DCAF6: variants seen among roughly 807,000 people sequenced by gnomAD.
The protein encoded by DCAF6 is DDB1- and CUL4-associated factor 6.
A neutral mutation model predicts 125.1 loss-of-function variants in DCAF6; 54 were observed. The ratio of observed to expected loss-of-function variants is 0.43; its 90% CI spans 0.35 to 0.54. DCAF6 has a LOEUF of 0.54. Ranked by LOEUF, DCAF6 falls within the 20% of genes least tolerant of loss-of-function variation. DCAF6 has a pLI of 0.01. For synonymous variants in DCAF6, 371 were observed against 390.4 expected (o/e 0.95, Z 0.58); for missense variants, 934 against 1,161.7 (o/e 0.80, Z 2.85).
rs1292399907 is a variant in DCAF6 at position 167,954,863 on chromosome 1, C to A, written c.159+3002C>A. ...ACATACACAAAGTCATCACCACATT[C>A]ATGATGATAAAATATCAATCATCCC... On this transcript the variant is annotated intron_variant, in intron 2 of 21. Transcript: ENST00000367840. Among the ~76,000 whole-genome samples, 15 of 152,192 alleles carry A rather than the reference C, an allele frequency of 9.9e-5. No individual in the cohort carries two copies. In the East Asian group the frequency reaches 2.7e-3, roughly 27 times the overall value.
intron 3 of DCAF6, among the ~76,000 whole-genome samples, chr1:167,973,580 A>C (rs188039654): frequency 6.6e-6 from 1 of 152,204 alleles, no homozygotes; most frequent in East Asian, 1.9e-4. Flanking sequence ...TGTCCCTAGC[A>C]CCTTAAACAT....
intron 11 of DCAF6, 57 bp from the exon 12 acceptor site, chr1:168,022,931 A>T: frequency 1.4e-6 from 2 of 1,467,310 alleles, no homozygotes. Context: ...TGATCATGAC[A>T]TTGCTGTGCA....
chr1:167,898,827 C>T, the DCAF6 span, among the ~76,000 whole-genome samples: 4 of 152,154 alleles, frequency 2.6e-5, no homozygotes, highest in African/African-American at 7.2e-5. Context: ...TCCTTTGGCT[C>T]ATCTAGCAGC....
At chr1:168,017,745 A>G (rs973979086) in intron 11 of DCAF6, among the ~76,000 whole-genome samples, 2 of 152,152 alleles carry the variant, frequency 1.3e-5, no homozygotes, top group African/African-American at 4.8e-5. Flanking sequence ...TTCTTTTATG[A>G]TAGATGTTAC....
intron 1 of DCAF6, among the ~76,000 whole-genome samples, chr1:167,938,175 A>G (rs1671630089): frequency 6.6e-6 from 1 of 152,188 alleles, no homozygotes; most frequent in African/African-American, 2.4e-5. Flanking sequence ...ACCCTTAGAA[A>G]TAATATTTTC....
chr1:167,893,292 T>C, the DCAF6 span, among the ~76,000 whole-genome samples: 1 of 152,212 alleles, frequency 6.6e-6, no homozygotes, highest in Non-Finnish European at 1.5e-5. Context: ...ACAGCTCCCA[T>C]TTGCGCAATT....
the DCAF6 span, among the ~76,000 whole-genome samples, chr1:167,872,648 A>G: frequency 2.0e-5 from 3 of 151,628 alleles, no homozygotes; most frequent in Non-Finnish European, 2.9e-5. Context: ...TTGTAAAAGA[A>G]GGGCATTTCC....
At chr1:167,936,529 A>T (rs1407753417), upstream of DCAF6, 4 of 243,868 alleles carry the variant, frequency 1.6e-5, no homozygotes, top group South Asian at 1.4e-4. Flanking sequence ...GCCGCAGCAC[A>T]CACCAGCCTC....
the DCAF6 span, among the ~76,000 whole-genome samples, chr1:167,898,134 G>A: frequency 6.6e-6 from 1 of 151,108 alleles, no homozygotes; most frequent in Non-Finnish European, 1.5e-5. Context: ...CTAGTGCATA[G>A]TATTGTACCA....
At chr1:167,941,438 C>T (rs1335969263) in intron 1 of DCAF6, among the ~76,000 whole-genome samples, 1 of 152,070 alleles carries the variant, frequency 6.6e-6, no homozygotes, top group Non-Finnish European at 1.5e-5. Context: ...TGCTTTAGGT[C>T]AGTGTTTTTA....
At chr1:167,886,670 T>C in the DCAF6 span, among the ~76,000 whole-genome samples, 35,393 of 152,098 alleles carry the variant, frequency 0.23, 4,295 homozygotes, top group African/African-American at 0.29. Context: ...CCAAAAGCAA[T>C]GGCAACAAAA....
intron 6 of DCAF6, among the ~76,000 whole-genome samples, chr1:167,993,011 A>C (rs778495040): frequency 6.6e-6 from 1 of 152,116 alleles, no homozygotes; most frequent in African/African-American, 2.4e-5. Context: ...ACAATCATGA[A>C]TTTTTTTGGT....
intron 1 of DCAF6, among the ~76,000 whole-genome samples, chr1:167,941,568 GT>G (rs995123171): frequency 2.0e-5 from 3 of 151,696 alleles, no homozygotes; most frequent in Non-Finnish European, 4.4e-5. Flanking sequence ...GATGCATTCT[GT>G]TTTTTTTCAT....
intron 1 of DCAF6, among the ~76,000 whole-genome samples, chr1:167,941,373 TA>T (rs1451347876): frequency 6.6e-6 from 1 of 152,230 alleles, no homozygotes; most frequent in Non-Finnish European, 1.5e-5. Flanking sequence ...AATCAAGTTA[TA>T]AGTGCTTAGA....
chr1:167,897,068 G>T, the DCAF6 span, among the ~76,000 whole-genome samples: 193 of 151,840 alleles, frequency 1.3e-3, 1 homozygote, highest in African/African-American at 4.5e-3. Context: ...GGGGCTGATG[G>T]CCAAAAAGGA....
intron 17 of DCAF6, among the ~76,000 whole-genome samples, chr1:168,052,846 CCTT>C (rs1343268754): frequency 2.0e-5 from 3 of 152,132 alleles, no homozygotes; most frequent in East Asian, 1.9e-4. Context: ...TTCTCCAACT[CCTT>C]CTACTCCTGC....
the DCAF6 span, chr1:167,920,446 G>A: frequency 8.7e-7 from 1 of 1,143,708 alleles, no homozygotes; most frequent in South Asian, 1.5e-5. Flanking sequence ...CTTTGTGTGT[G>A]GGTGTATTTC....
intron 10 of DCAF6, among the ~76,000 whole-genome samples, chr1:168,006,259 A>G (rs996008717): frequency 6.6e-6 from 1 of 151,694 alleles, no homozygotes; most frequent in Non-Finnish European, 1.5e-5. Context: ...ATTAAATGTG[A>G]CAATCATTTG....
At chr1:168,021,975 T>C (rs1685723201) in intron 11 of DCAF6, among the ~76,000 whole-genome samples, 2 of 152,252 alleles carry the variant, frequency 1.3e-5, no homozygotes, top group East Asian at 1.9e-4. Flanking sequence ...ATTATTCTTA[T>C]TGGTTGGGGA....
Sources: allele counts gnomAD v4.1 joint callset (sites outside exome capture counted in the v4.1 genomes callset), GRCh38; gene constraint gnomAD v4.1.1; transcripts MANE v1.5; gene names NCBI Gene and HGNC (gene_info 2026-07-23, HGNC 2026-07-21).